PRIM2: variants seen among roughly 807,000 people sequenced by gnomAD.
PRIM2 encodes DNA primase subunit 2.
PRIM2 carries 39 observed loss-of-function variants against 67.3 expected under a neutral mutation model. The observed-to-expected ratio is 0.58, with a 90% CI of 0.45 to 0.76. The LOEUF is 0.76. Ranked by LOEUF, PRIM2 falls within the 30% of genes least tolerant of loss-of-function variation. The pLI is 0.00. For missense variants in PRIM2, 398 were observed against 598.7 expected, an observed-to-expected ratio of 0.66 and a Z score of 3.50; for synonymous variants, 143 against 198.7, an observed-to-expected ratio of 0.72 and a Z score of 2.36.
Position 57,631,665 on chromosome 6 carries a change from G to T in PRIM2, c.1231-468G>T, listed in dbSNP as rs1480110627. ...GGTTTACATTAAATTTTCCTGATGG[G>T]CACACAGCAGTATTTTATGCTGTAT... On this transcript the variant is annotated intron_variant, in intron 12 of 13. Coordinates refer to ENST00000615550, the MANE Select transcript of PRIM2 (RefSeq NM_000947.5). 8.7e-4 allele frequency among the ~76,000 whole-genome samples: 133 copies of T among 152,100 alleles called. 1 individual carries two copies. Among genetic ancestry groups the T allele is most frequent in the African/African-American group, 3.2e-3 (131 of 41,494 alleles).
At chr6:57,641,254 A>T (rs1398130511) in intron 13 of PRIM2, among the ~76,000 whole-genome samples, 1 of 152,198 alleles carries the variant, frequency 6.6e-6, no homozygotes, top group Non-Finnish European at 1.5e-5. Context: ...TGGATTAAAG[A>T]CTTAAACGTA....
At chr6:57,514,111 G>C (rs1554347993) in intron 8 of PRIM2, among the ~76,000 whole-genome samples, 4 of 152,092 alleles carry the variant, frequency 2.6e-5, no homozygotes, top group African/African-American at 4.8e-5. Context: ...AGTAATAAAG[G>C]CATCTTCCTT....
chr6:57,311,846 G>A (rs1767397927), upstream of PRIM2, among the ~76,000 whole-genome samples: 1 of 152,078 alleles, frequency 6.6e-6, no homozygotes, highest in Non-Finnish European at 1.5e-5. Flanking sequence ...GGTCAACACG[G>A]CGAAACCCCG....
chr6:57,453,888 G>A (rs1313567613), intron 7 of PRIM2, among the ~76,000 whole-genome samples: 13 of 152,224 alleles, frequency 8.5e-5, no homozygotes, highest in South Asian at 4.1e-4. Context: ...AATGCTTCCC[G>A]TTTTTGCCCA....
intron 7 of PRIM2, among the ~76,000 whole-genome samples, chr6:57,397,581 AT>A (rs562994690): frequency 4.7e-4 from 71 of 151,440 alleles, no homozygotes; most frequent in African/African-American, 1.7e-3. Flanking sequence ...TTCTTGTATC[AT>A]TTTTTGGATT....
chr6:57,578,697 G>A (rs1403504392), intron 10 of PRIM2, among the ~76,000 whole-genome samples: 1 of 110,686 alleles, frequency 9.0e-6, no homozygotes. Flanking sequence ...TTTTTTTTGA[G>A]ACGGAGTCTC....
chr6:57,531,186 T>C (rs1774881319), intron 8 of PRIM2, among the ~76,000 whole-genome samples: 1 of 152,198 alleles, frequency 6.6e-6, no homozygotes, highest in African/African-American at 2.4e-5. Flanking sequence ...ACAGTCTCGC[T>C]CTATAGCCTA....
intron 10 of PRIM2, among the ~76,000 whole-genome samples, chr6:57,540,803 C>G (rs1247110917): frequency 6.6e-6 from 1 of 152,152 alleles, no homozygotes; most frequent in Non-Finnish European, 1.5e-5. Context: ...GTAGCACATT[C>G]TGTGCTACTA....
chr6:57,414,529 G>A (rs1364021030), intron 7 of PRIM2, among the ~76,000 whole-genome samples: 2 of 151,672 alleles, frequency 1.3e-5, no homozygotes, highest in African/African-American at 4.8e-5. Flanking sequence ...TGTTAATATT[G>A]TTTTCACTGG....
chr6:57,451,852 T>C (rs933385612), intron 7 of PRIM2, among the ~76,000 whole-genome samples: 1 of 151,960 alleles, frequency 6.6e-6, no homozygotes, highest in Non-Finnish European at 1.5e-5. Context: ...TACCTATGTA[T>C]GCATGTGCCA....
intron 10 of PRIM2, among the ~76,000 whole-genome samples, chr6:57,544,878 T>C (rs1775253518): frequency 6.6e-6 from 1 of 152,230 alleles, no homozygotes; most frequent in African/African-American, 2.4e-5. Flanking sequence ...ATTATTTACA[T>C]AGAAATAAAT....
chr6:57,638,927 T>G (rs1408613149), intron 13 of PRIM2, among the ~76,000 whole-genome samples: 3 of 152,082 alleles, frequency 2.0e-5, no homozygotes, highest in Non-Finnish European at 4.4e-5. Context: ...TCTACAGAAC[T>G]CTCCACCCCA....
the PRIM2 span, among the ~76,000 whole-genome samples, chr6:57,306,556 G>A: frequency 2.6e-5 from 4 of 152,144 alleles, no homozygotes; most frequent in Admixed American, 2.6e-4. Context: ...TATTGTCAGG[G>A]TTCGCTCCCT....
At chr6:57,248,785 C>A in the PRIM2 span, among the ~76,000 whole-genome samples, 2 of 152,244 alleles carry the variant, frequency 1.3e-5, no homozygotes, top group African/African-American at 2.4e-5. Context: ...CCTCTGATAT[C>A]CAGTCAGCAT....
intron 7 of PRIM2, among the ~76,000 whole-genome samples, chr6:57,386,226 AAACAACAACAACAACAACAGCAACAAC>A (rs1770141402): frequency 1.3e-5 from 2 of 151,070 alleles, no homozygotes; most frequent in Admixed American, 1.3e-4. Context: ...TCTCTACTAA[AAACAACAACAACAACAACAGCAACAAC>A]AACAACAACA....
chr6:57,351,941 A>G (rs1042314771), intron 5 of PRIM2, among the ~76,000 whole-genome samples: 1 of 152,176 alleles, frequency 6.6e-6, no homozygotes, highest in African/African-American at 2.4e-5. Context: ...ATTTTCTTCT[A>G]CTATAAAATG....
At chr6:57,417,882 G>A (rs13195994) in intron 7 of PRIM2, among the ~76,000 whole-genome samples, 1 of 152,164 alleles carries the variant, frequency 6.6e-6, no homozygotes, top group Non-Finnish European at 1.5e-5. Context: ...GTAAAGTGAA[G>A]TATGGTGAAA....
intron 5 of PRIM2, among the ~76,000 whole-genome samples, chr6:57,349,673 G>A (rs1212151070): frequency 6.6e-6 from 1 of 151,886 alleles, no homozygotes; most frequent in East Asian, 1.9e-4. Flanking sequence ...TTACATTCTT[G>A]CGTGTAGTAT....
rs752934793 is a variant in PRIM2 at position 57,382,147 on chromosome 6, C to T, written c.672C>T (p.Ala224=). 3.7e-6 allele frequency: 6 copies of T among 1,613,214 alleles called. No homozygotes were observed. In the East Asian group the frequency reaches 1.3e-4, roughly 36 times the overall value. ...IVAIILNEFR[A]KLSKALALTA... ...CAATCATCCTGAATGAATTTAGAGC[C>T]AAACTGTCCAAGGCTTTGGCAGTGA... Residue 224 remains alanine (A), a synonymous_variant, in exon 7 of 14, where the codon GCC becomes GCT. Coordinates refer to ENST00000615550, the MANE Select transcript of PRIM2 (RefSeq NM_000947.5).
Sources: allele counts gnomAD v4.1 joint callset (sites outside exome capture counted in the v4.1 genomes callset), GRCh38; gene constraint gnomAD v4.1.1; transcripts MANE v1.5; gene names NCBI Gene and HGNC (gene_info 2026-07-23, HGNC 2026-07-21).